Variants in RBFOX3 observed in about 807,000 individuals in gnomAD.
RBFOX3 encodes RNA binding fox-1 homolog 3.
A neutral mutation model predicts 48.7 loss-of-function variants in RBFOX3; 17 were observed. The ratio of observed to expected loss-of-function variants is 0.35; its 90% confidence interval spans 0.24 to 0.52. The LOEUF (loss-of-function observed/expected upper bound fraction) is 0.52, where lower values mean the gene tolerates loss of function less well. RBFOX3 is among the 20% of genes least tolerant of loss of function. The probability of loss-of-function intolerance (pLI) is 0.94; values close to 1 mark genes in which losing one functional copy is unlikely to be tolerated. For synonymous variants in RBFOX3, 212 were observed against 209.5 expected (o/e 1.01, Z -0.10); for missense variants, 382 against 497.5 (o/e 0.77, Z 2.21).
chr17:79,209,339 G>A lies in RBFOX3; in HGVS notation c.-34+26427C>T, dbSNP rs564504089. Among the ~76,000 whole-genome samples the A allele has an allele frequency of 6.0e-4, 91 of 152,332 alleles. 1 individual carries two copies. Among genetic ancestry groups the A allele is most frequent in the Non-Finnish European group, 8.8e-5 (6 of 68,038 alleles). Reference sequence around the variant, plus strand: ...TCTGTAACTATTAATGCACAGCTCCGGGACCTCCCAGGGGGCAGGGACAAG... The same window carrying A: ...TCTGTAACTATTAATGCACAGCTCCAGGACCTCCCAGGGGGCAGGGACAAG... On this transcript the variant is annotated intron_variant, in intron 4 of 14. Transcript: ENST00000693108.
chr17:79,094,300 T>G, intron 14 of RBFOX3, 151 bp downstream of exon 14: 1 of 534,246 alleles, frequency 1.9e-6, no homozygotes, highest in Non-Finnish European at 3.2e-6. Context: ...AGCCCTCCCC[T>G]CACCCTAACT....
intron 5 of RBFOX3, among the ~76,000 whole-genome samples, 154 bp from the exon 6 acceptor site, chr17:79,106,942 G>A (rs1599451433): frequency 1.3e-5 from 2 of 152,132 alleles, no homozygotes; most frequent in East Asian, 3.9e-4. Flanking sequence ...CAGAATCTGG[G>A]CAGACGGTTC....
intron 3 of RBFOX3, among the ~76,000 whole-genome samples, chr17:79,246,829 G>A (rs534217572): frequency 2.0e-5 from 3 of 152,288 alleles, no homozygotes; most frequent in Admixed American, 6.5e-5. Context: ...GTTTGGTCCT[G>A]CCCATGTGTG....
chr17:79,280,172 ACT>A (rs67132135), intron 3 of RBFOX3, among the ~76,000 whole-genome samples: 33,955 of 111,676 alleles, frequency 0.3, 4,099 homozygotes, highest in East Asian at 0.58. Context: ...CGCACACACC[ACT>A]CACACACACA....
intron 4 of RBFOX3, chr17:79,235,495 C>T (rs1266975276): frequency 6.6e-6 from 1 of 152,610 alleles, no homozygotes; most frequent in East Asian, 1.9e-4. Flanking sequence ...CCATCCTTAC[C>T]CCATTTATCC....
At chr17:79,177,641 T>G (rs976057492) in intron 4 of RBFOX3, among the ~76,000 whole-genome samples, 6 of 152,184 alleles carry the variant, frequency 3.9e-5, no homozygotes, top group African/African-American at 1.2e-4. Context: ...CAGGTCGGGA[T>G]GGGCATTCTT....
chr17:79,111,105 G>C lies in RBFOX3; in HGVS notation c.223-4317C>G, dbSNP rs568528726. Among the ~76,000 whole-genome samples, 16 of 152,376 alleles carry C rather than the reference G, an allele frequency of 1.1e-4. No individual in the cohort carries two copies. Among genetic ancestry groups the C allele is most frequent in the Non-Finnish European group, 1.9e-4 (13 of 68,028 alleles). On this transcript the variant is annotated intron_variant, in intron 5 of 14. Transcript: ENST00000693108. This position sits in a 1 kb window ranked among gnomAD's most constrained non-coding sequence, Gnocchi z 4.2. ...GATCAGGGCAAGTGCGGGAGTTTCC[G>C]AGGAGGCTCAGGCCCGACGGACAGC...
Position 79,481,271 on chromosome 17 carries a change from G to C in RBFOX3, c.-175+1183C>G, listed in dbSNP as rs1288697988. On this transcript the variant is annotated intron_variant, in intron 2 of 14. Coordinates refer to ENST00000693108, the MANE Select transcript of RBFOX3 (RefSeq NM_001350451.2). The surrounding 1 kb of genome is among the most constrained non-coding windows in gnomAD (Gnocchi z 5.4). The stretch of plus-strand genomic sequence containing the variant: ...GTCATCATGCAAAGCCTGCCTGCAG[G>C]CTTCAGGGCTCCAGTCCTCCCTGCC... 6.6e-6 allele frequency among the ~76,000 whole-genome samples: 1 copy of C among 152,150 alleles called. No homozygotes were observed. Among genetic ancestry groups the C allele is most frequent in the Non-Finnish European group, 1.5e-5 (1 of 68,022 alleles).
At chr17:79,173,393 G>C (rs2049809155) in intron 4 of RBFOX3, among the ~76,000 whole-genome samples, 1 of 152,190 alleles carries the variant, frequency 6.6e-6, no homozygotes, top group South Asian at 2.1e-4. Flanking sequence ...TCATGCTAAA[G>C]GCATTAACAC....
In RBFOX3 at chr17:79,220,826, G is replaced by C. The variant is rs1007332455; in HGVS notation, c.-34+14940C>G. The stretch of plus-strand genomic sequence containing the variant: ...GGAGGGAGGAGAAGCAGCTCCTGCA[G>C]AGGCGGGGCGGCTCTCCAGGCCTGG... On this transcript the variant is annotated intron_variant, in intron 4 of 14. Transcript: ENST00000693108. This position sits in a 1 kb window ranked among gnomAD's most constrained non-coding sequence, Gnocchi z 5.9. Among the ~76,000 whole-genome samples, 1 of 152,150 alleles carries C rather than the reference G, an allele frequency of 6.6e-6. No homozygotes were observed. The highest frequency in any genetic ancestry group is 2.4e-5 in the African/African-American group (1 of 41,424).
intron 4 of RBFOX3, among the ~76,000 whole-genome samples, chr17:79,217,586 A>G (rs2606188): frequency 0.17 from 25,548 of 152,072 alleles, 2,367 homozygotes; most frequent in Middle Eastern, 0.26. Context: ...AATGGGTAAC[A>G]GGAGCACCCA....
Position 79,103,719 on chromosome 17 carries a change from G to A in RBFOX3, c.414+354C>T, listed in dbSNP as rs550175738. On this transcript the variant is annotated intron_variant, in intron 7 of 14. Transcript: ENST00000693108. The surrounding 1 kb of genome is among the most constrained non-coding windows in gnomAD (Gnocchi z 6.1). ...AAGGGGAGTAGGGCTTGTCTCCGCCGGACACCCTCCCCAGCCTGCCCTCTC... is the reference window on the plus strand; with the variant it reads ...AAGGGGAGTAGGGCTTGTCTCCGCCAGACACCCTCCCCAGCCTGCCCTCTC... Among the ~76,000 whole-genome samples the A allele has an allele frequency of 6.6e-5, 10 of 152,180 alleles. No individual in the cohort carries two copies. In the East Asian group the frequency reaches 7.7e-4, roughly 12 times the overall value.
intron 4 of RBFOX3, among the ~76,000 whole-genome samples, chr17:79,169,434 C>G (rs1164461623): frequency 6.6e-6 from 1 of 152,156 alleles, no homozygotes; most frequent in Admixed American, 6.5e-5. Context: ...GGCCCTCAAA[C>G]TGCTCCCACA....
chr17:79,358,318 C>G (rs769095225), intron 2 of RBFOX3, among the ~76,000 whole-genome samples: 2 of 152,148 alleles, frequency 1.3e-5, no homozygotes, highest in African/African-American at 2.4e-5. Flanking sequence ...CTAGAGCCGT[C>G]TTCCCCTCCC....
At chr17:79,161,733 C>A (rs911595642) in intron 4 of RBFOX3, among the ~76,000 whole-genome samples, 3 of 151,294 alleles carry the variant, frequency 2.0e-5, no homozygotes, top group African/African-American at 7.3e-5. Flanking sequence ...GTAGATGGGA[C>A]TACAGGCGCA....
At chr17:79,456,809 G>A (rs2149216683) in intron 2 of RBFOX3, among the ~76,000 whole-genome samples, 1 of 152,066 alleles carries the variant, frequency 6.6e-6, no homozygotes, top group South Asian at 2.1e-4. Flanking sequence ...AGCTCGAGAG[G>A]TCTGGGCACA....
chr17:79,132,031 C>A (rs1034044382), intron 4 of RBFOX3, among the ~76,000 whole-genome samples: 1 of 152,212 alleles, frequency 6.6e-6, no homozygotes, highest in East Asian at 1.9e-4. Flanking sequence ...ACCTACTCTG[C>A]GTCTTGCCTG....
At chr17:79,244,960 A>G (rs1230347724) in intron 3 of RBFOX3, among the ~76,000 whole-genome samples, 1 of 103,666 alleles carries the variant, frequency 9.6e-6, no homozygotes, top group African/African-American at 3.9e-5. Context: ...TCCTTCTTTC[A>G]TTCTCCTTCC....
At chr17:79,325,813 A>G (rs1165267902) in intron 2 of RBFOX3, among the ~76,000 whole-genome samples, 3 of 151,936 alleles carry the variant, frequency 2.0e-5, no homozygotes, top group Non-Finnish European at 4.4e-5. Context: ...GACTGCTCAC[A>G]CTCCATTACA....
Sources: allele counts gnomAD v4.1 joint callset (sites outside exome capture counted in the v4.1 genomes callset), GRCh38; gene constraint gnomAD v4.1.1; non-coding constraint Gnocchi (gnomAD v3.1); transcripts MANE v1.5; gene names NCBI Gene and HGNC (gene_info 2026-07-23, HGNC 2026-07-21).